ITFG1: variants seen among roughly 807,000 people sequenced by gnomAD.
ITFG1 encodes the protein T-cell immunomodulatory protein.
ITFG1 carries 34 observed loss-of-function variants against 81.8 expected under a neutral mutation model. The observed-to-expected ratio is 0.42, with a 90% CI of 0.32 to 0.55. The LOEUF is 0.55. Ranked by LOEUF, ITFG1 falls within the 20% of genes least tolerant of loss-of-function variation. The probability of loss-of-function intolerance (pLI) is 0.17; values close to 1 mark genes in which losing one functional copy is unlikely to be tolerated. For synonymous variants in ITFG1, 285 were observed against 270.6 expected (o/e 1.05, Z -0.52); for missense variants, 672 against 755.4 (o/e 0.89, Z 1.29).
chr16:47,331,790 T>C (rs988368473), intron 8 of ITFG1, among the ~76,000 whole-genome samples: 5 of 152,150 alleles, frequency 3.3e-5, no homozygotes, highest in Admixed American at 6.6e-5. Flanking sequence ...ATGAGAAAAG[T>C]AGTTTAGGTG....
At chr16:47,454,884 T>C (rs1969432929) in intron 2 of ITFG1, among the ~76,000 whole-genome samples, 3 of 152,206 alleles carry the variant, frequency 2.0e-5, no homozygotes. Context: ...TATACTTAAT[T>C]CTACTCAGAT....
chr16:47,309,350 G>A (rs1212644494), intron 10 of ITFG1, among the ~76,000 whole-genome samples: 2 of 152,100 alleles, frequency 1.3e-5, no homozygotes, highest in African/African-American at 4.8e-5. Context: ...GATTACAGGC[G>A]TGAGCCACCA....
chr16:47,311,090 A>T (rs2151564282), intron 10 of ITFG1, 150 bp downstream of exon 10: 1 of 483,294 alleles, frequency 2.1e-6, no homozygotes, highest in African/African-American at 2.0e-5. Context: ...AAGTGCAGGG[A>T]CCAAATTTAA....
intron 14 of ITFG1, among the ~76,000 whole-genome samples, chr16:47,181,386 G>A (rs1423349785): frequency 4.9e-5 from 7 of 143,150 alleles, no homozygotes; most frequent in East Asian, 4.3e-4. Flanking sequence ...CAGCCACCCC[G>A]TCCGGCAGGG....
At chr16:47,431,605 G>A (rs1041050395) in intron 5 of ITFG1, among the ~76,000 whole-genome samples, 5 of 152,290 alleles carry the variant, frequency 3.3e-5, no homozygotes, top group Non-Finnish European at 1.5e-5. Context: ...GATCCAGATA[G>A]AGCTGATGGT....
intron 8 of ITFG1, among the ~76,000 whole-genome samples, chr16:47,315,864 C>T (rs1458979249): frequency 2.0e-5 from 3 of 151,758 alleles, no homozygotes; most frequent in Non-Finnish European, 4.4e-5. Context: ...GATCTCAGCT[C>T]ATTGCAACCT....
chr16:47,326,672 C>A (rs1349708189), intron 8 of ITFG1, among the ~76,000 whole-genome samples: 1 of 152,180 alleles, frequency 6.6e-6, no homozygotes, highest in Non-Finnish European at 1.5e-5. Flanking sequence ...CATTCTTATA[C>A]ACCAAAAACA....
intron 10 of ITFG1, among the ~76,000 whole-genome samples, chr16:47,303,929 C>A (rs1567452465): frequency 6.6e-6 from 1 of 152,128 alleles, no homozygotes. Context: ...CACACCTGGC[C>A]TGTTAATAAT....
chr16:47,262,668 A>T (rs1966224949), intron 10 of ITFG1: 3 of 152,254 alleles, frequency 2.0e-5, no homozygotes, highest in Non-Finnish European at 4.4e-5. Flanking sequence ...GCAGTCATGC[A>T]ATTTAAAATG....
At chr16:47,342,574 T>C (rs963611882) in intron 8 of ITFG1, among the ~76,000 whole-genome samples, 2 of 152,134 alleles carry the variant, frequency 1.3e-5, no homozygotes, top group Non-Finnish European at 2.9e-5. Flanking sequence ...TATTTAGAGA[T>C]GACATGATGC....
chr16:47,199,223 C>T (rs1040934377), intron 14 of ITFG1, among the ~76,000 whole-genome samples: 4 of 151,980 alleles, frequency 2.6e-5, no homozygotes, highest in South Asian at 2.1e-4. Flanking sequence ...GCCGAGATCA[C>T]GCCACTGCAC....
chr16:47,252,650 C>T (rs1201554154), intron 12 of ITFG1, among the ~76,000 whole-genome samples: 2 of 152,180 alleles, frequency 1.3e-5, no homozygotes, highest in Non-Finnish European at 2.9e-5. Context: ...TGTGGATCTG[C>T]TGTGCTGTGC....
chr16:47,275,592 A>C (rs977534521), intron 10 of ITFG1, among the ~76,000 whole-genome samples: 1 of 152,120 alleles, frequency 6.6e-6, no homozygotes, highest in Non-Finnish European at 1.5e-5. Flanking sequence ...CCAACTGTAG[A>C]GGTATAGTAA....
chr16:47,256,286 T>A (rs1447969971), intron 12 of ITFG1, among the ~76,000 whole-genome samples: 1 of 152,216 alleles, frequency 6.6e-6, no homozygotes, highest in South Asian at 2.1e-4. Context: ...GTGTGACTTC[T>A]GTTTGGTTCC....
chr16:47,183,273 C>T (rs1279811217), intron 14 of ITFG1, among the ~76,000 whole-genome samples: 1 of 152,332 alleles, frequency 6.6e-6, no homozygotes, highest in East Asian at 1.9e-4. Context: ...TGGGTGGAGC[C>T]CACCACAGCT....
chr16:47,298,700 A>T (rs1213051930), intron 10 of ITFG1, among the ~76,000 whole-genome samples: 25 of 152,164 alleles, frequency 1.6e-4, no homozygotes. Context: ...GTGGATGCAG[A>T]GGTCACATGA....
chr16:47,276,386 A>G (rs1190486054), intron 10 of ITFG1, among the ~76,000 whole-genome samples: 1 of 152,212 alleles, frequency 6.6e-6, no homozygotes, highest in Non-Finnish European at 1.5e-5. Flanking sequence ...GGGGAAATGT[A>G]AAGACAATGT....
At chr16:47,368,857 T>A (rs74489938) in intron 7 of ITFG1, among the ~76,000 whole-genome samples, 1 of 152,176 alleles carries the variant, frequency 6.6e-6, no homozygotes, top group Non-Finnish European at 1.5e-5. Flanking sequence ...ACACTGAGCA[T>A]CAATAGAAGA....
chr16:47,173,923 C>T (rs1964991343), intron 14 of ITFG1, among the ~76,000 whole-genome samples: 1 of 152,050 alleles, frequency 6.6e-6, no homozygotes, highest in Admixed American at 6.6e-5. Flanking sequence ...GCCTGTAGTC[C>T]CAGCTACTTG....
Sources: allele counts gnomAD v4.1 joint callset (sites outside exome capture counted in the v4.1 genomes callset), GRCh38; gene constraint gnomAD v4.1.1; transcripts MANE v1.5; gene names NCBI Gene and HGNC (gene_info 2026-07-23, HGNC 2026-07-21).